Variants in LTB4R2 observed in about 807,000 individuals in gnomAD.
The protein encoded by LTB4R2 is LTB4 receptor JULF2.
A neutral mutation model predicts 5.3 loss-of-function variants in LTB4R2; 6 were observed. That is an observed-to-expected ratio of 1.14 (90% confidence interval 0.62 to 2.24). The LOEUF is 2.24. Ranked by LOEUF, LTB4R2 falls within the 30% of genes most tolerant of loss-of-function variation. The pLI, the probability that LTB4R2 is intolerant of heterozygous loss-of-function variation, is 0.00. For missense variants in LTB4R2, 560 were observed against 521.5 expected (o/e 1.07, Z -0.72); for synonymous variants, 310 against 264.2 (o/e 1.17, Z -1.68).
Position 24,311,203 on chromosome 14 carries a change from C to A in LTB4R2, c.539C>A (p.Ala180Asp), listed in dbSNP as rs2041691178. ...LCHPSPVHAA[A>D]HLSLETLTAF... ...CACCCGTCGCCGGTCCACGCCGCCG[C>A]CCACCTGAGCCTGGAGACTCTGACC... The change falls in exon 2 of 2, where the codon GCC becomes GAC. Residue 180 changes from alanine to aspartate, a missense_variant. Transcript: ENST00000533293. 2 of 1,608,686 alleles carry A rather than the reference C, an allele frequency of 1.2e-6. No individual in the cohort carries two copies. The highest frequency in any genetic ancestry group is 4.5e-5 in the East Asian group (2 of 44,660).
chr14:24,310,360 T>G, intron 1 of LTB4R2, 105 bp downstream of exon 1: 1 of 606,050 alleles, frequency 1.7e-6, no homozygotes, highest in South Asian at 2.0e-5. Flanking sequence ...AGAGGAGTGG[T>G]GGTAGAGATA....
Position 24,311,467 on chromosome 14 carries a change from C to T in LTB4R2, c.803C>T (p.Ala268Val), listed in dbSNP as rs1022272333. 7 of 1,601,112 alleles carry T rather than the reference C, an allele frequency of 4.4e-6. No homozygotes were observed. The Admixed American group carries it at 5.0e-5, about 11-fold the overall frequency. ...GCGAAGCTGGGCGGAGCCGGCCAGG[C>T]GGCGCGAGCGGGAACTACGGCCTTG... ...ALAKLGGAGQ[A>V]ARAGTTALAF... is the part of the protein sequence containing the mutation. Residue 268 changes from alanine to valine, a missense_variant, in exon 2 of 2, where the codon GCG (alanine) becomes GTG (valine). Coordinates refer to ENST00000533293, the MANE Select transcript of LTB4R2 (RefSeq NM_019839.5).
rs752218730 is a variant in LTB4R2 at position 24,311,237 on chromosome 14, G to C, written c.573G>C (p.Val191=). The part of the protein sequence containing the change: ...HLSLETLTAF[V]LPFGLMLGCY... ...GCCTGGAGACTCTGACCGCTTTCGT[G>C]CTTCCTTTCGGGCTGATGCTCGGCT... The change falls in exon 2 of 2, where the codon GTG becomes GTC. Residue 191 remains valine, a synonymous_variant. Coordinates refer to ENST00000533293, the MANE Select transcript of LTB4R2 (RefSeq NM_019839.5). The C allele has an allele frequency of 6.2e-7, 1 of 1,608,442 alleles. No individual in the cohort carries two copies. The highest frequency in any genetic ancestry group is 1.3e-5 in the African/African-American group (1 of 74,766).
Position 24,310,802 on chromosome 14 carries a change from G to C in LTB4R2, c.138G>C (p.Ala46=), listed in dbSNP as rs375042807. The stretch of plus-strand genomic sequence containing the variant: ...ACGGCTTCGTGGTGTGGAGCTTGGC[G>C]GGCTGGCGGCCTGCACGGGGGCGAC... ...PGNGFVVWSL[A]GWRPARGRPL... The change falls in exon 2 of 2, where the codon GCG becomes GCC. Residue 46 remains alanine (A), a synonymous_variant. Coordinates refer to ENST00000533293, the MANE Select transcript of LTB4R2 (RefSeq NM_019839.5). 1.2e-6 allele frequency: 2 copies of C among 1,602,834 alleles called. No homozygotes were observed. The highest frequency in any genetic ancestry group is 1.7e-5 in the Admixed American group (1 of 59,838).
rs375042807 is a variant in LTB4R2 at position 24,310,802 on chromosome 14, G to A, written c.138G>A (p.Ala46=). The A allele has an allele frequency of 2.1e-5, 34 of 1,602,834 alleles. No homozygotes were observed. In the African/African-American group the frequency reaches 4.3e-4, roughly 20 times the overall value. ...PGNGFVVWSL[A]GWRPARGRPL... ...ACGGCTTCGTGGTGTGGAGCTTGGC[G>A]GGCTGGCGGCCTGCACGGGGGCGAC... Residue 46 remains alanine, a synonymous_variant, in exon 2 of 2, where the codon GCG becomes GCA. Coordinates refer to ENST00000533293, the MANE Select transcript of LTB4R2 (RefSeq NM_019839.5).
chr14:24,310,387 AT>A, intron 1 of LTB4R2, 132 bp downstream of exon 1: 1 of 617,808 alleles, frequency 1.6e-6, no homozygotes, highest in Admixed American at 2.8e-5. Context: ...GCCTGGGGTG[AT>A]GACTTTATGC....
In LTB4R2 at chr14:24,311,003, C is replaced by G. The variant is rs965524677; in HGVS notation, c.339C>G (p.Gly113=). ...TGTACGCCAGCGTGCTGCTCACCGG[C>G]CTGCTCAGCCTGCAGCGCTGCCTCG... ...LSMYASVLLT[G]LLSLQRCLAV... Residue 113 remains glycine, a synonymous_variant, in exon 2 of 2, where the codon GGC becomes GGG. Coordinates refer to ENST00000533293, the MANE Select transcript of LTB4R2 (RefSeq NM_019839.5). 1.3e-6 allele frequency: 2 copies of G among 1,586,946 alleles called. No homozygotes were observed. Among genetic ancestry groups the G allele is most frequent in the South Asian group, 1.1e-5 (1 of 89,654 alleles).
At position 24,311,763 on chromosome 14, in the gene LTB4R2, G is replaced by C; in HGVS notation, c.*22G>C. Reference sequence around the variant, plus strand: ...TTGACAGCAGACCCTACAACCTGCTGCCCTTCCCTGTCCCTTTCCACCCCC... The same window carrying C: ...TTGACAGCAGACCCTACAACCTGCTCCCCTTCCCTGTCCCTTTCCACCCCC... On this transcript the variant is annotated 3_prime_UTR_variant, in exon 2 of 2. Coordinates refer to ENST00000533293, the MANE Select transcript of LTB4R2 (RefSeq NM_019839.5). 2.0e-6 allele frequency: 3 copies of C among 1,534,742 alleles called. No homozygotes were observed. The highest frequency in any genetic ancestry group is 2.6e-6 in the Non-Finnish European group (3 of 1,137,688).
At position 24,311,758 on chromosome 14, in the gene LTB4R2, C is replaced by T. The variant is rs1566424761; in HGVS notation, c.*17C>T. Reference sequence around the variant, plus strand: ...GACCTTTGACAGCAGACCCTACAACCTGCTGCCCTTCCCTGTCCCTTTCCA... The same window carrying T: ...GACCTTTGACAGCAGACCCTACAACTTGCTGCCCTTCCCTGTCCCTTTCCA... On this transcript the variant is annotated 3_prime_UTR_variant, in exon 2 of 2. Coordinates refer to ENST00000533293, the MANE Select transcript of LTB4R2 (RefSeq NM_019839.5). 12 of 1,545,404 alleles carry T rather than the reference C, an allele frequency of 7.8e-6. No individual in the cohort carries two copies. Among genetic ancestry groups the T allele is most frequent in the Non-Finnish European group, 9.6e-6 (11 of 1,142,830 alleles).
Position 24,311,378 on chromosome 14 carries a change from C to A in LTB4R2, c.714C>A (p.Ala238=), listed in dbSNP as rs1373183810. 1 of 1,603,276 alleles carries A rather than the reference C, an allele frequency of 6.2e-7. No homozygotes were observed. Among genetic ancestry groups the A allele is most frequent in the Non-Finnish European group, 8.5e-7 (1 of 1,179,650 alleles). ...AIVLAFGLLW[A]PYHAVNLLQA... is the part of the protein sequence containing the mutation. ...TGCTTGCCTTCGGCTTGCTCTGGGC[C>A]CCCTACCACGCAGTCAACCTTCTGC... Residue 238 remains alanine, a synonymous_variant, in exon 2 of 2, where the codon GCC becomes GCA. Transcript: ENST00000533293.
chr14:24,311,513 C>A lies in LTB4R2; in HGVS notation c.849C>A (p.Val283=), dbSNP rs774931023. Residue 283 remains valine (V), a synonymous_variant, in exon 2 of 2, where the codon GTC becomes GTA. Transcript: ENST00000533293. The stretch of plus-strand genomic sequence containing the variant: ...CCTTGGCCTTCTTCAGTTCTAGCGT[C>A]AACCCGGTGCTCTACGTCTTCACCG... ...TTALAFFSSS[V]NPVLYVFTAG... The A allele has an allele frequency of 7.5e-6, 12 of 1,602,910 alleles. No individual in the cohort carries two copies. The highest frequency in any genetic ancestry group is 1.3e-5 in the African/African-American group (1 of 75,078).
intron 1 of LTB4R2, 31 bp from the exon 2 acceptor site, chr14:24,310,624 G>C (rs758907529): frequency 6.0e-5 from 96 of 1,606,536 alleles, no homozygotes; most frequent in Non-Finnish European, 8.1e-5. Flanking sequence ...ACCCCTGAAC[G>C]CCCTCTGTGG....
At chr14:24,310,341 G>A (rs947768883) in intron 1 of LTB4R2, 86 bp downstream of exon 1, 29 of 601,590 alleles carry the variant, frequency 4.8e-5, no homozygotes, top group Non-Finnish European at 5.9e-5. Flanking sequence ...AAGAAGGAGG[G>A]GCCAGACTAG....
Position 24,311,268 on chromosome 14 carries a change from A to C in LTB4R2, c.604A>C (p.Ser202Arg). The C allele has an allele frequency of 6.2e-7, 1 of 1,601,384 alleles. No individual in the cohort carries two copies. Among genetic ancestry groups the C allele is most frequent in the South Asian group, 1.1e-5 (1 of 89,486 alleles). Reference sequence around the variant, plus strand: ...TTTCGGGCTGATGCTCGGCTGCTACAGCGTGACGCTGGCACGGCTGCGGGG... The same window carrying C: ...TTTCGGGCTGATGCTCGGCTGCTACCGCGTGACGCTGGCACGGCTGCGGGG... Reference protein sequence around the residue: ...LPFGLMLGCYSVTLARLRGAR... With the variant: ...LPFGLMLGCYRVTLARLRGAR... Residue 202 changes from serine (S) to arginine (R), a missense_variant, in exon 2 of 2, where the codon AGC becomes CGC. Transcript: ENST00000533293.
In LTB4R2 at chr14:24,311,689, A is replaced by G. The variant is rs768997959; in HGVS notation, c.1025A>G (p.Asn342Ser). 40 of 1,608,676 alleles carry G rather than the reference A, an allele frequency of 2.5e-5. No homozygotes were observed. Among genetic ancestry groups the G allele is most frequent in the Middle Eastern group, 3.3e-4 (2 of 6,058 alleles). The change falls in exon 2 of 2, where the codon AAT (asparagine) becomes AGT (serine). Residue 342 changes from asparagine (N) to serine (S), a missense_variant. By Grantham distance (46) the Asn-to-Ser change is conservative. Transcript: ENST00000533293. ...QLKVVGQGRG[N>S]GDPGGGMEKD... ...AAAGTGGTGGGGCAGGGCCGCGGCA[A>G]TGGAGACCCGGGGGGTGGGATGGAG...
In LTB4R2 at chr14:24,310,976, C is replaced by T; in HGVS notation, c.312C>T (p.Ser104=). 6.3e-7 allele frequency: 1 copy of T among 1,591,052 alleles called. No individual in the cohort carries two copies. The highest frequency in any genetic ancestry group is 2.3e-5 in the East Asian group (1 of 43,720). Reference sequence around the variant, plus strand: ...CGGTGTACTACGTGTGCGCGCTCAGCATGTACGCCAGCGTGCTGCTCACCG... The same window carrying T: ...CGGTGTACTACGTGTGCGCGCTCAGTATGTACGCCAGCGTGCTGCTCACCG... The part of the protein sequence containing the change: ...CKAVYYVCAL[S]MYASVLLTGL... Residue 104 remains serine (S), a synonymous_variant, in exon 2 of 2, where the codon AGC becomes AGT. Coordinates refer to ENST00000533293, the MANE Select transcript of LTB4R2 (RefSeq NM_019839.5).
In LTB4R2 at chr14:24,311,310, G is replaced by A. The variant is rs779242455; in HGVS notation, c.646G>A (p.Gly216Arg). 3 of 1,593,990 alleles carry A rather than the reference G, an allele frequency of 1.9e-6. No individual in the cohort carries two copies. Among genetic ancestry groups the A allele is most frequent in the East Asian group, 2.3e-5 (1 of 44,130 alleles). The change falls in exon 2 of 2, where the codon GGG becomes AGG. Residue 216 changes from glycine to arginine, a missense_variant. Coordinates refer to ENST00000533293, the MANE Select transcript of LTB4R2 (RefSeq NM_019839.5). The part of the protein sequence containing the change: ...ARLRGARWGS[G>R]RHGARVGRLV... Reference sequence around the variant, plus strand: ...GCTGCGGGGCGCCCGCTGGGGCTCCGGGCGGCACGGGGCGCGGGTGGGCCG... The same window carrying A: ...GCTGCGGGGCGCCCGCTGGGGCTCCAGGCGGCACGGGGCGCGGGTGGGCCG...
intron 1 of LTB4R2, 123 bp downstream of exon 1, chr14:24,310,378 C>G: frequency 1.6e-6 from 1 of 613,336 alleles, no homozygotes; most frequent in South Asian, 1.9e-5. Context: ...ATAGTGACAG[C>G]CTGGGGTGAT....
rs1566422380 is a variant in LTB4R2, at chr14:24,310,918, AGGCCTGGCCGCTGGGCCAGGCG to A, written c.258_279del (p.Trp87AlafsTer89). ...CTCTTTGTGGCCTTCCTGACCCGGC[AGGCCTGGCCGCTGGGCCAGGCG>A]GGCTGCAAGGCGGTGTACTACGTGT... On this transcript the variant is annotated frameshift_variant, in exon 2 of 2. Transcript: ENST00000533293. LOFTEE classifies it low-confidence loss of function (END_TRUNC). The A allele has an allele frequency of 1.7e-5, 27 of 1,589,600 alleles. No homozygotes were observed. Among genetic ancestry groups the A allele is most frequent in the Non-Finnish European group, 2.3e-5 (27 of 1,176,032 alleles).
Sources: allele counts gnomAD v4.1 joint callset, GRCh38; gene constraint gnomAD v4.1.1; transcripts MANE v1.5; gene names NCBI Gene and HGNC (gene_info 2026-07-23, HGNC 2026-07-21).